CHST11: variants seen among roughly 807,000 people sequenced by gnomAD.
CHST11 encodes the protein C4S-1.
In CHST11, 9 loss-of-function variants were observed where a neutral mutation model predicts 30.4. The ratio of observed to expected loss-of-function variants is 0.30; its 90% CI spans 0.18 to 0.52. The LOEUF (loss-of-function observed/expected upper bound fraction) is 0.52, where lower values mean the gene tolerates loss of function less well. CHST11 is among the 20% of genes least tolerant of loss of function. The pLI, the probability that CHST11 is intolerant of heterozygous loss-of-function variation, is 0.97. For missense variants in CHST11, 348 were observed against 460.6 expected, an observed-to-expected ratio of 0.76 and a Z score of 2.24; for synonymous variants, 152 against 187.8, an observed-to-expected ratio of 0.81 and a Z score of 1.56.
chr12:104,668,783 C>T (rs571207371), intron 2 of CHST11, among the ~76,000 whole-genome samples: 2 of 152,324 alleles, frequency 1.3e-5, no homozygotes, highest in South Asian at 4.1e-4. Context: ...GAATGAGATT[C>T]TGATAGTCAC....
chr12:104,600,606 G>A lies in CHST11; in HGVS notation c.119-1300G>A, dbSNP rs973083698. Among the ~76,000 whole-genome samples the A allele has an allele frequency of 6.6e-6, 1 of 152,160 alleles. No homozygotes were observed. The highest frequency in any genetic ancestry group is 1.5e-5 in the Non-Finnish European group (1 of 68,028). Reference sequence around the variant, plus strand: ...GACAAAGAAGCAGAGACACAGAGAGGTTAGGTAGTTTCCTTAAGGTCACAC... The same window carrying A: ...GACAAAGAAGCAGAGACACAGAGAGATTAGGTAGTTTCCTTAAGGTCACAC... On this transcript the variant is annotated intron_variant, in intron 1 of 2. Transcript: ENST00000303694. This position sits in a 1 kb window ranked among gnomAD's most constrained non-coding sequence, Gnocchi z 4.1.
intron 1 of CHST11, among the ~76,000 whole-genome samples, chr12:104,503,046 A>G (rs1254513841): frequency 6.6e-6 from 1 of 152,194 alleles, no homozygotes; most frequent in African/African-American, 2.4e-5. Context: ...GTCTTACATA[A>G]TATTTAGGTT....
chr12:104,627,997 A>C (rs950623356), intron 2 of CHST11, among the ~76,000 whole-genome samples: 1 of 152,222 alleles, frequency 6.6e-6, no homozygotes, highest in Non-Finnish European at 1.5e-5. Context: ...CCAAGGCCCA[A>C]AGAAGTTAAT....
intron 2 of CHST11, among the ~76,000 whole-genome samples, chr12:104,651,294 GAA>G (rs1245132837): frequency 2.6e-5 from 4 of 152,196 alleles, no homozygotes; most frequent in Non-Finnish European, 5.9e-5. Flanking sequence ...GCTTCTCCCT[GAA>G]AAAGTTAATA....
rs749329576 is a variant in CHST11 at position 104,457,362 on chromosome 12, C to T, written c.-50C>T. On this transcript the variant is annotated 5_prime_UTR_variant, in exon 1 of 3. Coordinates refer to ENST00000303694, the MANE Select transcript of CHST11 (RefSeq NM_018413.6). ...GCGCGGCGGGGTCCCTGCTCCTGCG[C>T]CCCGGGCGCGCTTCCCGGACACCCC... 1.8e-4 allele frequency: 258 copies of T among 1,423,368 alleles called. 1 individual carries two copies. The highest frequency in any genetic ancestry group is 1.8e-4 in the Admixed American group (10 of 55,814). 88.2% of individuals were successfully genotyped at this position (1,423,368 alleles called of 1,614,324 possible).
At chr12:104,540,089 G>T (rs1260088789) in intron 1 of CHST11, among the ~76,000 whole-genome samples, 1 of 152,182 alleles carries the variant, frequency 6.6e-6, no homozygotes, top group East Asian at 1.9e-4. Context: ...CTTCGTTTGT[G>T]TGACTCAGTG....
rs10695562 is a variant in CHST11, at chr12:104,761,501, A to ACACACAC, written c.*3698_*3699insCACACAC. 5 of 144,606 alleles carry ACACACAC rather than the reference A, an allele frequency of 3.5e-5. No homozygotes were observed. Among genetic ancestry groups the ACACACAC allele is most frequent in the African/African-American group, 1.3e-4 (5 of 39,082 alleles). 9.0% of individuals were successfully genotyped at this position (144,606 alleles called of 1,614,324 possible). A position where few individuals can be genotyped will look rare whatever the true frequency, so the allele number is the denominator to read the frequency against. On this transcript the variant is annotated 3_prime_UTR_variant, in exon 3 of 3. Transcript: ENST00000303694. ...CACACACACACACACACACACACAC[A>ACACACAC]ATCTCAGCTGCGCCATTCTGTGCAA...
At chr12:104,597,311 C>A (rs1207501333) in intron 1 of CHST11, among the ~76,000 whole-genome samples, 3 of 151,810 alleles carry the variant, frequency 2.0e-5, no homozygotes, top group African/African-American at 4.9e-5. Context: ...AAAAAAAAAT[C>A]TTTAATCCCA....
At chr12:104,530,727 A>G (rs1378569359) in intron 1 of CHST11, among the ~76,000 whole-genome samples, 44 of 152,316 alleles carry the variant, frequency 2.9e-4, no homozygotes, top group Non-Finnish European at 2.9e-5. Flanking sequence ...ATTCTTCTCA[A>G]AGCTTCAGCC....
chr12:104,596,444 C>T (rs563001167), intron 1 of CHST11, among the ~76,000 whole-genome samples: 4 of 152,210 alleles, frequency 2.6e-5, no homozygotes, highest in Admixed American at 6.5e-5. Flanking sequence ...TGCTTCATTT[C>T]GAAATGTTGA....
At chr12:104,679,636 C>T (rs1770311405) in intron 2 of CHST11, among the ~76,000 whole-genome samples, 1 of 152,140 alleles carries the variant, frequency 6.6e-6, no homozygotes, top group Admixed American at 6.5e-5. Context: ...GTGGCCTGAA[C>T]ATACTGGGGC....
intron 2 of CHST11, among the ~76,000 whole-genome samples, chr12:104,659,452 G>A (rs2039576871): frequency 6.6e-6 from 1 of 152,188 alleles, no homozygotes; most frequent in Non-Finnish European, 1.5e-5. Context: ...ACAGTGCAGA[G>A]CTGTGCTGCT....
chr12:104,555,052 C>T (rs904969113), intron 1 of CHST11, among the ~76,000 whole-genome samples: 2 of 152,242 alleles, frequency 1.3e-5, no homozygotes, highest in Non-Finnish European at 2.9e-5. Context: ...TCACTCAATG[C>T]TGTGTTGGCA....
In CHST11 at chr12:104,653,133, G is replaced by C. The variant is rs117207067; in HGVS notation, c.204+51142G>C. ...GCAACATGGAATCTCTATACCGTTTGAACAATAACTCCCCATTTCTCCTGC... is the reference window on the plus strand; with the variant it reads ...GCAACATGGAATCTCTATACCGTTTCAACAATAACTCCCCATTTCTCCTGC... On this transcript the variant is annotated intron_variant, in intron 2 of 2. Transcript: ENST00000303694. Among the ~76,000 whole-genome samples, 316 of 152,242 alleles carry C rather than the reference G, an allele frequency of 2.1e-3. 2 individuals are homozygous for C. Among genetic ancestry groups the C allele is most frequent in the Admixed American group, 6.5e-3 (100 of 15,302 alleles).
At chr12:104,573,632 G>A (rs1235798760) in intron 1 of CHST11, among the ~76,000 whole-genome samples, 1 of 152,188 alleles carries the variant, frequency 6.6e-6, no homozygotes, top group East Asian at 1.9e-4. Flanking sequence ...TTTAATAAAT[G>A]GTGCTGGGAA....
At chr12:104,510,423 T>C (rs1265931177) in intron 1 of CHST11, among the ~76,000 whole-genome samples, 1 of 152,216 alleles carries the variant, frequency 6.6e-6, no homozygotes, top group Admixed American at 6.5e-5. Flanking sequence ...TGTTACTTCG[T>C]GCTGTTCTTA....
chr12:104,606,076 C>A (rs2039001747), intron 2 of CHST11, among the ~76,000 whole-genome samples: 1 of 147,266 alleles, frequency 6.8e-6, no homozygotes, highest in South Asian at 2.1e-4. Context: ...AGGAGGTTTG[C>A]ATAGGGCACA....
At chr12:104,674,549 T>G (rs2039723043) in intron 2 of CHST11, among the ~76,000 whole-genome samples, 2 of 152,168 alleles carry the variant, frequency 1.3e-5, no homozygotes, top group Non-Finnish European at 2.9e-5. Context: ...CCCTCTTGAG[T>G]CCAGCAGCTC....
At chr12:104,500,451 C>T (rs890987725) in intron 1 of CHST11, among the ~76,000 whole-genome samples, 5 of 152,168 alleles carry the variant, frequency 3.3e-5, no homozygotes, top group South Asian at 2.1e-4. Flanking sequence ...TAGAAATGAA[C>T]GAGCAAGGAA....
Sources: allele counts gnomAD v4.1 joint callset (sites outside exome capture counted in the v4.1 genomes callset), GRCh38; gene constraint gnomAD v4.1.1; non-coding constraint Gnocchi (gnomAD v3.1); transcripts MANE v1.5; gene names NCBI Gene and HGNC (gene_info 2026-07-23, HGNC 2026-07-21).